Variants in ARHGAP15 observed in about 807,000 individuals in gnomAD.
ARHGAP15 encodes Rho GTPase activating protein 15.
ARHGAP15 carries 51 observed loss-of-function variants against 63.7 expected under a neutral mutation model. That is an observed-to-expected ratio of 0.80 (90% CI 0.64 to 1.01). ARHGAP15 has a LOEUF of 1.01. Ranked by LOEUF, ARHGAP15 falls within the 50% of genes least tolerant of loss-of-function variation. The pLI is 0.00. For missense variants in ARHGAP15, 560 were observed against 564.6 expected, an observed-to-expected ratio of 0.99 and a Z score of 0.08; for synonymous variants, 191 against 193.8, an observed-to-expected ratio of 0.99 and a Z score of 0.12.
intron 9 of ARHGAP15, among the ~76,000 whole-genome samples, chr2:143,507,086 G>A (rs756517092): frequency 1.2e-4 from 18 of 152,124 alleles, no homozygotes; most frequent in African/African-American, 2.9e-4. Flanking sequence ...TTTTCCTACC[G>A]TGTAAAGTTT....
intron 5 of ARHGAP15, among the ~76,000 whole-genome samples, chr2:143,238,678 C>G (rs916383040): frequency 6.6e-6 from 1 of 152,180 alleles, no homozygotes; most frequent in African/African-American, 2.4e-5. Flanking sequence ...TTTGACCCAG[C>G]AATCCCATTA....
At chr2:143,334,052 C>T (rs1684664438) in intron 6 of ARHGAP15, among the ~76,000 whole-genome samples, 1 of 152,044 alleles carries the variant, frequency 6.6e-6, no homozygotes, top group Admixed American at 6.6e-5. Flanking sequence ...AAGGTGACAC[C>T]CTAAGTGTTC....
At chr2:143,428,998 T>C (rs571330741) in intron 6 of ARHGAP15, among the ~76,000 whole-genome samples, 2 of 152,138 alleles carry the variant, frequency 1.3e-5, no homozygotes, top group East Asian at 1.9e-4. Context: ...GCAATAAAAG[T>C]CTAAGTTGAT....
chr2:143,737,192 T>C (rs1250131253), intron 13 of ARHGAP15, among the ~76,000 whole-genome samples: 3 of 152,200 alleles, frequency 2.0e-5, no homozygotes, highest in African/African-American at 4.8e-5. Context: ...ACGGAGGAGA[T>C]AGAGAGCTGA....
chr2:143,418,750 C>T (rs942669250), intron 6 of ARHGAP15, among the ~76,000 whole-genome samples: 10 of 152,078 alleles, frequency 6.6e-5, no homozygotes, highest in Non-Finnish European at 1.3e-4. Context: ...ATTGCAGGGG[C>T]CCATTAATAT....
intron 9 of ARHGAP15, among the ~76,000 whole-genome samples, chr2:143,508,120 C>T (rs1693405671): frequency 6.6e-6 from 1 of 152,164 alleles, no homozygotes; most frequent in South Asian, 2.1e-4. Flanking sequence ...TAGGGTCCTA[C>T]CTGCTTTGAC....
At position 143,734,171 on chromosome 2, in the gene ARHGAP15, A is replaced by T. The variant is rs116538532; in HGVS notation, c.1244+30647A>T. ...AGTCACGGTCCTTTTCTCATCAGAG[A>T]TAGCCAGGGGCAGCAGCAAAGGGTG... On this transcript the variant is annotated intron_variant, in intron 13 of 13. Coordinates refer to ENST00000295095, the MANE Select transcript of ARHGAP15 (RefSeq NM_018460.4). Among the ~76,000 whole-genome samples, 112 of 152,274 alleles carry T rather than the reference A, an allele frequency of 7.4e-4. No individual in the cohort carries two copies. In the Middle Eastern group the frequency reaches 0.017, roughly 23 times the overall value.
At chr2:143,441,380 G>T (rs1352761020) in intron 8 of ARHGAP15, among the ~76,000 whole-genome samples, 3 of 152,148 alleles carry the variant, frequency 2.0e-5, no homozygotes, top group African/African-American at 7.2e-5. Flanking sequence ...AAGGAGCCAA[G>T]AAACACTCTT....
At chr2:143,542,786 TATA>T (rs1388478259) in intron 10 of ARHGAP15, among the ~76,000 whole-genome samples, 6 of 128,354 alleles carry the variant, frequency 4.7e-5, no homozygotes, top group South Asian at 2.2e-4. Context: ...ATATGATATA[TATA>T]ATATCACATA....
At chr2:143,317,084 G>A (rs925175041) in intron 6 of ARHGAP15, among the ~76,000 whole-genome samples, 10 of 151,870 alleles carry the variant, frequency 6.6e-5, no homozygotes, top group African/African-American at 2.4e-4. Flanking sequence ...TTCCTTTAGG[G>A]TCCTGTGGTC....
At chr2:143,329,100 T>TA (rs1391663542) in intron 6 of ARHGAP15, among the ~76,000 whole-genome samples, 2 of 152,248 alleles carry the variant, frequency 1.3e-5, no homozygotes, top group Non-Finnish European at 2.9e-5. Context: ...GCAGTAACTT[T>TA]ACTATGCTCA....
chr2:143,240,405 A>C (rs1408292671), intron 5 of ARHGAP15, among the ~76,000 whole-genome samples: 2 of 152,174 alleles, frequency 1.3e-5, no homozygotes, highest in Non-Finnish European at 2.9e-5. Context: ...AAAGCTATTC[A>C]TGAATTATTG....
chr2:143,663,040 G>A (rs1265546134), intron 12 of ARHGAP15, among the ~76,000 whole-genome samples: 2 of 122,724 alleles, frequency 1.6e-5, no homozygotes, highest in Non-Finnish European at 3.5e-5. Flanking sequence ...GCAGGCCAAC[G>A]TTCAGATTCA....
intron 6 of ARHGAP15, among the ~76,000 whole-genome samples, chr2:143,330,122 A>AAC (rs1684466597): frequency 1.2e-5 from 1 of 81,390 alleles, no homozygotes; most frequent in Non-Finnish European, 2.6e-5. Flanking sequence ...AAAAAAAAAA[A>AAC]AAAAAAAAAC....
chr2:143,766,864 C>G (rs189878017), intron 13 of ARHGAP15: 1 of 152,160 alleles, frequency 6.6e-6, no homozygotes, highest in Non-Finnish European at 1.5e-5. Context: ...GCAGGGACTA[C>G]TATAATACCA....
chr2:143,765,046 T>A (rs1297412433), intron 13 of ARHGAP15, among the ~76,000 whole-genome samples: 2 of 152,064 alleles, frequency 1.3e-5, no homozygotes, highest in Non-Finnish European at 2.9e-5. Context: ...TTAAAAGAAC[T>A]TTTACCTAAT....
At chr2:143,585,649 T>C (rs999870819) in intron 11 of ARHGAP15, among the ~76,000 whole-genome samples, 1 of 152,178 alleles carries the variant, frequency 6.6e-6, no homozygotes. Context: ...CAAGAAATAT[T>C]AGCTTCTGAA....
intron 13 of ARHGAP15, among the ~76,000 whole-genome samples, chr2:143,762,413 C>A (rs1686792216): frequency 6.6e-6 from 1 of 152,080 alleles, no homozygotes; most frequent in African/African-American, 2.4e-5. Context: ...AACTTTACAA[C>A]ACAGTTAAGG....
chr2:143,634,041 G>T (rs559890113), intron 12 of ARHGAP15, among the ~76,000 whole-genome samples: 1 of 152,066 alleles, frequency 6.6e-6, no homozygotes, highest in Non-Finnish European at 1.5e-5. Context: ...TATCTGGCTT[G>T]CATTTCATTT....
Sources: gnomAD v4.1 joint callset for allele counts (sites outside exome capture counted in the v4.1 genomes callset) on GRCh38, gnomAD v4.1.1 for gene constraint, MANE v1.5 for transcripts, NCBI Gene and HGNC (gene_info 2026-07-23, HGNC 2026-07-21) for gene names.